PIGF: variants seen among roughly 807,000 people sequenced by gnomAD.
The protein encoded by PIGF is GPI ethanolamine phosphate transferase, stabilizing subunit.
In PIGF, 23 loss-of-function variants were observed where a neutral mutation model predicts 26.0. The ratio of observed to expected loss-of-function variants is 0.88; its 90% CI spans 0.64 to 1.25. The LOEUF (loss-of-function observed/expected upper bound fraction) is 1.25. Among genes scored for constraint, PIGF ranks in the 50% most tolerant of loss-of-function variants. The pLI is 0.00. For missense variants in PIGF, 278 were observed against 249.9 expected, an observed-to-expected ratio of 1.11 and a Z score of -0.76; for synonymous variants, 93 against 92.6, an observed-to-expected ratio of 1.00 and a Z score of -0.03.
At position 46,612,352 on chromosome 2, in the gene PIGF, A is replaced by AG; in HGVS notation, c.321-9_321-8insC. ...AATGTTTCCAATGCCAACCTAGAAAAAAAAAAAGATTACTTTTTAAAAAAG... is the reference window on the plus strand; with the variant it reads ...AATGTTTCCAATGCCAACCTAGAAAAGAAAAAAAGATTACTTTTTAAAAAAG... On this transcript the variant is annotated splice_polypyrimidine_tract_variant and intron_variant, in intron 3 of 5. Coordinates refer to ENST00000281382, the MANE Select transcript of PIGF (RefSeq NM_002643.4). 9.6e-7 allele frequency: 1 copy of AG among 1,045,272 alleles called. No individual in the cohort carries two copies. The highest frequency in any genetic ancestry group is 1.4e-6 in the Non-Finnish European group (1 of 718,584). The allele number at this position is 1,045,272 out of a possible 1,614,324, so 64.7% of individuals were successfully genotyped here. A position where few individuals can be genotyped will look rare whatever the true frequency, so the allele number is the denominator to read the frequency against.
At chr2:46,604,481 T>TAA (rs34334394) in intron 4 of PIGF, among the ~76,000 whole-genome samples, 1 of 145,694 alleles carries the variant, frequency 6.9e-6, no homozygotes, top group Non-Finnish European at 1.5e-5. Context: ...ACTAATGGAT[T>TAA]AAAAAAAAAA....
chr2:46,599,443 T>C (rs966071350), intron 4 of PIGF, among the ~76,000 whole-genome samples: 4 of 152,168 alleles, frequency 2.6e-5, no homozygotes, highest in African/African-American at 9.7e-5. Context: ...ATCCCTTTCA[T>C]TTCTCCTCTA....
At chr2:46,607,846 C>T (rs1241130283) in intron 4 of PIGF, among the ~76,000 whole-genome samples, 2 of 152,204 alleles carry the variant, frequency 1.3e-5, no homozygotes, top group Non-Finnish European at 1.5e-5. Flanking sequence ...AGGGGCCTAC[C>T]AGCACGCCCA....
intron 2 of PIGF, 67 bp downstream of exon 2, chr2:46,614,870 C>T: frequency 1.4e-6 from 1 of 731,710 alleles, no homozygotes; most frequent in Non-Finnish European, 2.3e-6. Context: ...TTGATGAATA[C>T]TTTATTCTTC....
chr2:46,594,156 A>G (rs572575841), intron 4 of PIGF, among the ~76,000 whole-genome samples: 189 of 152,332 alleles, frequency 1.2e-3, no homozygotes, highest in African/African-American at 4.3e-3. Context: ...GCCAAGTTCA[A>G]TGTAAAGGGA....
intron 5 of PIGF, among the ~76,000 whole-genome samples, chr2:46,586,833 T>C (rs1274031816): frequency 6.6e-6 from 1 of 152,200 alleles, no homozygotes; most frequent in Non-Finnish European, 1.5e-5. Flanking sequence ...CAAATGAATC[T>C]ACTCATTGGG....
chr2:46,586,148 C>A (rs1008816038), intron 5 of PIGF, among the ~76,000 whole-genome samples: 41 of 152,264 alleles, frequency 2.7e-4, no homozygotes, highest in African/African-American at 9.9e-4. Flanking sequence ...AGGAGCTGTA[C>A]AACATACTGG....
intron 4 of PIGF, among the ~76,000 whole-genome samples, chr2:46,599,570 G>C (rs1669993074): frequency 6.6e-6 from 1 of 152,016 alleles, no homozygotes; most frequent in Non-Finnish European, 1.5e-5. Context: ...TAATTTGTCT[G>C]TTTCTTGATA....
intron 4 of PIGF, among the ~76,000 whole-genome samples, chr2:46,594,038 G>C (rs1214164659): frequency 1.3e-5 from 2 of 152,146 alleles, no homozygotes; most frequent in African/African-American, 4.8e-5. Context: ...TATTTGTAGG[G>C]CTTTATTATT....
At chr2:46,593,701 C>T (rs781605950) in intron 4 of PIGF, among the ~76,000 whole-genome samples, 5 of 152,210 alleles carry the variant, frequency 3.3e-5, no homozygotes, top group African/African-American at 1.2e-4. Context: ...TAAAAGCCCA[C>T]TGCAATGCAC....
At chr2:46,587,572 A>C (rs1433365843) in intron 5 of PIGF, among the ~76,000 whole-genome samples, 1 of 152,190 alleles carries the variant, frequency 6.6e-6, no homozygotes, top group African/African-American at 2.4e-5. Flanking sequence ...AAAATTCAAA[A>C]TCTCCAAATT....
chr2:46,603,427 A>G (rs1014498747), intron 4 of PIGF, among the ~76,000 whole-genome samples: 4 of 152,004 alleles, frequency 2.6e-5, no homozygotes, highest in Admixed American at 2.6e-4. Flanking sequence ...AAAGAACAGA[A>G]CTGGAAGAAT....
At position 46,608,429 on chromosome 2, in the gene PIGF, T is replaced by G. The variant is rs538265887; in HGVS notation, c.437+3799A>C. On this transcript the variant is annotated intron_variant, in intron 4 of 5. Transcript: ENST00000281382. Reference sequence around the variant, plus strand: ...GAAGTCCTGAACCTCTCAACATCATTCATGAGGAATGGAATCAGCTTCTCG... The same window carrying G: ...GAAGTCCTGAACCTCTCAACATCATGCATGAGGAATGGAATCAGCTTCTCG... Among the ~76,000 whole-genome samples, 18 of 152,326 alleles carry G rather than the reference T, an allele frequency of 1.2e-4. No homozygotes were observed. The East Asian group carries it at 3.5e-3, about 29-fold the overall frequency.
At chr2:46,602,449 A>G (rs1170016979) in intron 4 of PIGF, among the ~76,000 whole-genome samples, 4 of 151,910 alleles carry the variant, frequency 2.6e-5, no homozygotes, top group African/African-American at 9.7e-5. Flanking sequence ...ATTTCACTTA[A>G]AAATATTATA....
chr2:46,616,216 T>G (rs750412534), intron 1 of PIGF: 3 of 152,226 alleles, frequency 2.0e-5, no homozygotes, highest in Non-Finnish European at 4.4e-5. Context: ...CAAGGTCCCA[T>G]GCGCTACAGC....
At chr2:46,609,180 G>A (rs1406616190) in intron 4 of PIGF, among the ~76,000 whole-genome samples, 1 of 152,220 alleles carries the variant, frequency 6.6e-6, no homozygotes, top group Non-Finnish European at 1.5e-5. Flanking sequence ...AGCACTTGTT[G>A]CTTCACCTTG....
At chr2:46,598,435 T>G (rs778183256) in intron 4 of PIGF, among the ~76,000 whole-genome samples, 3 of 152,072 alleles carry the variant, frequency 2.0e-5, no homozygotes, top group Non-Finnish European at 4.4e-5. Flanking sequence ...TAGTGTAAGC[T>G]TCTCTAACCC....
Position 46,581,004 on chromosome 2 carries a change from T to C in PIGF, c.*474A>G. 6.9e-6 allele frequency: 11 copies of C among 1,590,566 alleles called. No individual in the cohort carries two copies. Among genetic ancestry groups the C allele is most frequent in the Non-Finnish European group, 9.4e-6 (11 of 1,169,990 alleles). ...AAGACTGTTTTTGATGAGGCTATCA[T>C]AGCCATTTTAACTCCAAAGAAACAC... On this transcript the variant is annotated 3_prime_UTR_variant, in exon 6 of 6. Coordinates refer to ENST00000281382, the MANE Select transcript of PIGF (RefSeq NM_002643.4).
intron 4 of PIGF, among the ~76,000 whole-genome samples, chr2:46,611,257 G>A (rs1670404559): frequency 6.6e-6 from 1 of 152,096 alleles, no homozygotes; most frequent in Non-Finnish European, 1.5e-5. Context: ...GGGAGGCGAG[G>A]CGGGCGGATC....
Sources: gnomAD v4.1 joint callset for allele counts (sites outside exome capture counted in the v4.1 genomes callset) on GRCh38, gnomAD v4.1.1 for gene constraint, MANE v1.5 for transcripts, NCBI Gene and HGNC (gene_info 2026-07-23, HGNC 2026-07-21) for gene names.